The following JAK2 variants were observed in gnomAD, a reference collection of about 807,000 sequenced individuals.
JAK2 encodes the protein tyrosine-protein kinase JAK2.
In JAK2, 86 loss-of-function variants were observed where a neutral mutation model predicts 139.3. The observed-to-expected ratio is 0.62, with a 90% confidence interval of 0.52 to 0.74. The LOEUF (loss-of-function observed/expected upper bound fraction) is 0.74, where lower values mean the gene tolerates loss of function less well. Ranked by LOEUF, JAK2 falls within the 30% of genes least tolerant of loss-of-function variation. JAK2 has a pLI of 0.00. For missense variants in JAK2, 1,421 were observed against 1,360.3 expected (o/e 1.04, Z -0.70); for synonymous variants, 490 against 437.7 (o/e 1.12, Z -1.49).
intron 2 of JAK2, among the ~76,000 whole-genome samples, chr9:4,997,322 G>A (rs960094442): frequency 2.0e-5 from 3 of 152,152 alleles, no homozygotes; most frequent in Non-Finnish European, 4.4e-5. Flanking sequence ...TGGTTCTGCA[G>A]GCTTACAAGC....
Position 5,089,825 on chromosome 9 carries a change from A to T in JAK2, c.2723A>T (p.Asp908Val). 6.3e-7 allele frequency: 1 copy of T among 1,589,862 alleles called. No homozygotes were observed. The change falls in exon 20 of 25, where the codon GAC becomes GTC. Residue 908 changes from aspartate to valine, a missense_variant. By Grantham distance (152) the Asp-to-Val change is radical (BLOSUM62 -3). Coordinates refer to ENST00000381652, the MANE Select transcript of JAK2 (RefSeq NM_004972.4). ...EIEILKSLQH[D>V]NIVKYKGVCY... Reference sequence around the variant, plus strand: ...GAAATCCTGAAATCCCTACAGCATGACAACATTGTAAAGTACAAGGGAGTG... The same window carrying T: ...GAAATCCTGAAATCCCTACAGCATGTCAACATTGTAAAGTACAAGGGAGTG...
intron 7 of JAK2, among the ~76,000 whole-genome samples, chr9:5,055,241 A>G (rs1817684301): frequency 6.6e-6 from 1 of 152,092 alleles, no homozygotes; most frequent in Admixed American, 6.5e-5. Flanking sequence ...TGATTTTATG[A>G]TAATATATAC....
chr9:5,050,047 A>G (rs1817305059), intron 5 of JAK2, among the ~76,000 whole-genome samples: 1 of 152,250 alleles, frequency 6.6e-6, no homozygotes. Flanking sequence ...ATCCAACACC[A>G]CTTGTAGTAT....
At chr9:5,004,651 G>A (rs1403671486) in intron 2 of JAK2, among the ~76,000 whole-genome samples, 1 of 152,052 alleles carries the variant, frequency 6.6e-6, no homozygotes, top group East Asian at 1.9e-4. Context: ...ACCCAGAAGT[G>A]GGATTGCTAA....
chr9:5,089,677 A>G lies in JAK2; in HGVS notation c.2575A>G (p.Asn859Asp). 2.2e-6 allele frequency: 3 copies of G among 1,360,544 alleles called. No individual in the cohort carries two copies. The highest frequency in any genetic ancestry group is 4.7e-5 in the South Asian group (2 of 42,964). 84.3% of individuals were successfully genotyped at this position (1,360,544 alleles called of 1,614,324 possible). Residue 859 changes from asparagine (N) to aspartate (D), a missense_variant, in exon 20 of 25, where the codon AAT (asparagine) becomes GAT (aspartate). Transcript: ENST00000381652. ...CCTAATGTGATGTGTCATTTAGGGT[A>G]ATTTTGGGAGTGTGGAGATGTGCCG... ...LKFLQQLGKG[N>D]FGSVEMCRYD...
At chr9:5,043,655 CTAGCGTTATT>C (rs770144004) in intron 4 of JAK2, among the ~76,000 whole-genome samples, 2 of 152,164 alleles carry the variant, frequency 1.3e-5, no homozygotes, top group Non-Finnish European at 2.9e-5. Context: ...ACTCTTCATA[CTAGCGTTATT>C]CACAATAGAA....
At chr9:4,998,880 T>G (rs1414089601) in intron 2 of JAK2, among the ~76,000 whole-genome samples, 3 of 151,970 alleles carry the variant, frequency 2.0e-5, no homozygotes, top group Admixed American at 6.5e-5. Context: ...ACCCAGGCTG[T>G]AGTGCAGTGG....
chr9:5,080,887 CTTTTCT>C (rs1408059070), intron 18 of JAK2, among the ~76,000 whole-genome samples: 8 of 134,302 alleles, frequency 6.0e-5, no homozygotes, highest in African/African-American at 2.3e-4. Context: ...ATAAAAAGAC[CTTTTCT>C]TTTTTTTTTT....
intron 22 of JAK2, among the ~76,000 whole-genome samples, chr9:5,107,579 G>C (rs891375157): frequency 6.6e-6 from 1 of 152,074 alleles, no homozygotes; most frequent in African/African-American, 2.4e-5. Context: ...TTGGTAAATA[G>C]TTTAAGTCAA....
chr9:5,043,549 A>G (rs1245811785), intron 4 of JAK2, among the ~76,000 whole-genome samples: 2 of 152,244 alleles, frequency 1.3e-5, no homozygotes, highest in African/African-American at 4.8e-5. Context: ...CCATTCCTTA[A>G]AAGGGTAAAC....
chr9:5,028,700 T>C (rs1430932885), intron 3 of JAK2, among the ~76,000 whole-genome samples: 1 of 152,236 alleles, frequency 6.6e-6, no homozygotes, highest in African/African-American at 2.4e-5. Flanking sequence ...CACTTGCTGC[T>C]TCACCTTGCA....
At position 5,089,858 on chromosome 9, in the gene JAK2, G is replaced by C; in HGVS notation, c.2756G>C (p.Ser919Thr). ...NIVKYKGVCY[S>T]AGRRNLKLIM... ...GTAAAGTACAAGGGAGTGTGCTACA[G>C]TGCTGGTAAGCTGCCCATTGAAACC... The change falls in exon 20 of 25, where the codon AGT becomes ACT. Residue 919 changes from serine (S) to threonine (T), a missense_variant. Ser to Thr is a moderately conservative substitution (Grantham distance 58). Coordinates refer to ENST00000381652, the MANE Select transcript of JAK2 (RefSeq NM_004972.4). 1 of 1,491,046 alleles carries C rather than the reference G, an allele frequency of 6.7e-7. No homozygotes were observed. The highest frequency in any genetic ancestry group is 8.9e-7 in the Non-Finnish European group (1 of 1,123,328). The allele number at this position is 1,491,046 out of a possible 1,614,324, so 92.4% of individuals were successfully genotyped here.
chr9:5,123,257 C>G (rs1483349048), intron 23 of JAK2, 136 bp downstream of exon 23: 1 of 552,262 alleles, frequency 1.8e-6, no homozygotes, highest in Non-Finnish European at 3.3e-6. Flanking sequence ...GTATCCACCA[C>G]CTTAATAACA....
rs1001612240 is a variant in JAK2 at position 5,126,493 on chromosome 9, T to G, written c.3291+47T>G. 6.8e-6 allele frequency: 9 copies of G among 1,319,212 alleles called. 1 individual carries two copies. Among genetic ancestry groups the G allele is most frequent in the Non-Finnish European group, 9.7e-6 (9 of 926,620 alleles). 81.7% of individuals were successfully genotyped at this position (1,319,212 alleles called of 1,614,324 possible). ...AGGGTAGTCATGCATTTTCTTTTAC[T>G]TTTTACTCAAGGACTTCAGTTCACT... On this transcript the variant is annotated intron_variant, in intron 24 of 24. Transcript: ENST00000381652.
chr9:5,003,837 T>C (rs1423619766), intron 2 of JAK2, among the ~76,000 whole-genome samples: 1 of 145,554 alleles, frequency 6.9e-6, no homozygotes, highest in African/African-American at 2.4e-5. Flanking sequence ...GTTTTTTTAC[T>C]GTTACCCTTT....
chr9:5,123,813 G>C (rs1177781265), intron 23 of JAK2, among the ~76,000 whole-genome samples: 1 of 150,968 alleles, frequency 6.6e-6, no homozygotes, highest in Non-Finnish European at 1.5e-5. Flanking sequence ...GCCAACATCT[G>C]TTATTTTTTC....
rs1203330356 is a variant in JAK2 at position 5,127,571 on chromosome 9, A to C, written c.*780A>C. The C allele has an allele frequency of 8.6e-6, 2 of 231,478 alleles. No homozygotes were observed. The highest frequency in any genetic ancestry group is 4.4e-5 in the African/African-American group (2 of 45,216). 14.3% of individuals were successfully genotyped at this position (231,478 alleles called of 1,614,324 possible). Reference sequence around the variant, plus strand: ...TGTGGTGAATGTGTTTTTTAAATGGAACTATCTCCAAATTTTTCTAAGACT... The same window carrying C: ...TGTGGTGAATGTGTTTTTTAAATGGCACTATCTCCAAATTTTTCTAAGACT... On this transcript the variant is annotated 3_prime_UTR_variant, in exon 25 of 25. Transcript: ENST00000381652.
chr9:5,069,156 C>T lies in JAK2; in HGVS notation c.1461C>T (p.Arg487=), dbSNP rs771586317. Reference sequence around the variant, plus strand: ...ATTGTTACCAGATGGAAACTGTTCGCTCAGACAATATAATTTTCCAGTTTA... The same window carrying T: ...ATTGTTACCAGATGGAAACTGTTCGTTCAGACAATATAATTTTCCAGTTTA... The part of the protein sequence containing the change: ...LLNCYQMETV[R]SDNIIFQFTK... Residue 487 remains arginine (R), a synonymous_variant, in exon 11 of 25, where the codon CGC becomes CGT. Transcript: ENST00000381652. 6.2e-7 allele frequency: 1 copy of T among 1,612,304 alleles called. No individual in the cohort carries two copies. Among genetic ancestry groups the T allele is most frequent in the African/African-American group, 1.3e-5 (1 of 74,928 alleles).
intron 22 of JAK2, among the ~76,000 whole-genome samples, chr9:5,117,855 T>C (rs1043347467): frequency 6.6e-6 from 1 of 152,154 alleles, no homozygotes; most frequent in Non-Finnish European, 1.5e-5. Context: ...GAGAGGCTAA[T>C]AGTAGAGAGG....
Sources: gnomAD v4.1 joint callset for allele counts (sites outside exome capture counted in the v4.1 genomes callset) on GRCh38, gnomAD v4.1.1 for gene constraint, MANE v1.5 for transcripts, NCBI Gene and HGNC (gene_info 2026-07-23, HGNC 2026-07-21) for gene names.